Variants in GPD2 observed in about 807,000 individuals in gnomAD.
GPD2 encodes glycerol-3-phosphate dehydrogenase, mitochondrial.
Under a neutral mutation model 82.4 loss-of-function variants are expected in GPD2, and 54 were observed. The observed-to-expected ratio is 0.66, with a 90% CI of 0.53 to 0.82. The LOEUF (loss-of-function observed/expected upper bound fraction) is 0.82. Ranked by LOEUF, GPD2 falls within the 40% of genes least tolerant of loss-of-function variation. The pLI is 0.00. For synonymous variants in GPD2, 288 were observed against 306.1 expected (o/e 0.94, Z 0.62); for missense variants, 748 against 896.2 (o/e 0.83, Z 2.11).
chr2:156,573,901 A>G (rs1474572940), intron 13 of GPD2, among the ~76,000 whole-genome samples: 1 of 152,188 alleles, frequency 6.6e-6, no homozygotes, highest in African/African-American at 2.4e-5. Context: ...AAGGTGATAA[A>G]TAACTCTCCG....
intron 2 of GPD2, among the ~76,000 whole-genome samples, chr2:156,490,578 T>A (rs1221401782): frequency 2.0e-5 from 3 of 152,202 alleles, no homozygotes; most frequent in African/African-American, 7.2e-5. Context: ...CACTCTATTA[T>A]AACTAGTCAG....
chr2:156,539,439 C>T (rs1162866869), intron 6 of GPD2, among the ~76,000 whole-genome samples: 3 of 152,112 alleles, frequency 2.0e-5, no homozygotes. Context: ...TGTAAATGCC[C>T]TAGTACACAT....
Position 156,582,926 on chromosome 2 carries a change from C to T in GPD2, c.*8C>T. 3 of 1,610,912 alleles carry T rather than the reference C, an allele frequency of 1.9e-6. No individual in the cohort carries two copies. The South Asian group carries it at 3.3e-5, about 18-fold the overall frequency. On this transcript the variant is annotated 3_prime_UTR_variant, in exon 17 of 17. Transcript: ENST00000438166. Reference sequence around the variant, plus strand: ...AGTTGTGGAGGATTGTGAGTCTGGGCAGTAAATCCACAGCCAACAAACATA... The same window carrying T: ...AGTTGTGGAGGATTGTGAGTCTGGGTAGTAAATCCACAGCCAACAAACATA...
intron 1 of GPD2, among the ~76,000 whole-genome samples, chr2:156,468,644 G>A (rs1683223773): frequency 6.6e-6 from 1 of 152,154 alleles, no homozygotes; most frequent in Non-Finnish European, 1.5e-5. Flanking sequence ...GGATTTCTCA[G>A]TGTAGGTGAT....
At chr2:156,444,735 A>ACACACACACG (rs1369878849) in intron 1 of GPD2, among the ~76,000 whole-genome samples, 1 of 151,802 alleles carries the variant, frequency 6.6e-6, no homozygotes, top group Non-Finnish European at 1.5e-5. Flanking sequence ...ACACACACAC[A>ACACACACACG]CACACTAACA....
At chr2:156,400,798 C>G in the GPD2 span, among the ~76,000 whole-genome samples, 5 of 152,224 alleles carry the variant, frequency 3.3e-5, no homozygotes, top group African/African-American at 1.2e-4. Flanking sequence ...AGAGCGCGCG[C>G]TTCGCATGTG....
intron 13 of GPD2, among the ~76,000 whole-genome samples, chr2:156,577,373 C>G (rs966282596): frequency 6.6e-6 from 1 of 152,002 alleles, no homozygotes; most frequent in African/African-American, 2.4e-5. Flanking sequence ...TGCCTGTAAT[C>G]CCAGCCACTT....
the GPD2 span, among the ~76,000 whole-genome samples, chr2:156,414,663 T>TA: frequency 6.6e-6 from 1 of 152,188 alleles, no homozygotes; most frequent in Non-Finnish European, 1.5e-5. Flanking sequence ...TGAATGTTAT[T>TA]AAAAAAGAAA....
chr2:156,425,975 T>G, the GPD2 span, among the ~76,000 whole-genome samples: 14 of 149,166 alleles, frequency 9.4e-5, no homozygotes, highest in Non-Finnish European at 1.8e-4. Flanking sequence ...CAGGCTGGAG[T>G]GCAGTGGCGC....
intron 1 of GPD2, among the ~76,000 whole-genome samples, chr2:156,468,335 A>G (rs1463269957): frequency 6.6e-6 from 1 of 152,140 alleles, no homozygotes; most frequent in Non-Finnish European, 1.5e-5. Context: ...CTATATGCTT[A>G]TTTTGTAAGA....
chr2:156,549,552 C>T, intron 6 of GPD2, 56 bp from the exon 7 acceptor site: 3 of 1,461,904 alleles, frequency 2.1e-6, no homozygotes, highest in Non-Finnish European at 9.6e-7. Context: ...TTTTGTACCA[C>T]CAGTCTGTGG....
At chr2:156,434,557 C>A (rs897442381), upstream of GPD2, among the ~76,000 whole-genome samples, 1 of 152,160 alleles carries the variant, frequency 6.6e-6, no homozygotes, top group Non-Finnish European at 1.5e-5. Flanking sequence ...CAGTCATGAA[C>A]AAAATGCCTT....
At chr2:156,451,472 A>C (rs1573880316) in intron 1 of GPD2, among the ~76,000 whole-genome samples, 5 of 27,182 alleles carry the variant, frequency 1.8e-4, no homozygotes, top group South Asian at 2.5e-3. Context: ...CGGGGGGCTG[A>C]CCCCCCCACC....
rs868491906 is a variant in GPD2, at chr2:156,526,848, G to C, written c.661+13352G>C. 2.6e-5 allele frequency among the ~76,000 whole-genome samples: 4 copies of C among 152,176 alleles called. No homozygotes were observed. The South Asian group carries it at 8.3e-4, about 32-fold the overall frequency. ...TGGGGAAATAAATGGGAAATAAAAG[G>C]CCATAATGATTGGTCTTCAGGAAGC... On this transcript the variant is annotated intron_variant, in intron 6 of 16. Transcript: ENST00000438166.
At chr2:156,557,914 A>G (rs1431315093) in intron 9 of GPD2, among the ~76,000 whole-genome samples, 1 of 152,232 alleles carries the variant, frequency 6.6e-6, no homozygotes, top group Non-Finnish European at 1.5e-5. Flanking sequence ...CAGCTTAGGA[A>G]TGTCTAATTT....
Position 156,582,789 on chromosome 2 carries a change from T to C in GPD2, c.2059-4T>C. 6.2e-7 allele frequency: 1 copy of C among 1,612,870 alleles called. No homozygotes were observed. The highest frequency in any genetic ancestry group is 1.1e-5 in the South Asian group (1 of 91,066). On this transcript the variant is annotated splice_polypyrimidine_tract_variant and splice_region_variant and intron_variant, in intron 16 of 16. Coordinates refer to ENST00000438166, the MANE Select transcript of GPD2 (RefSeq NM_000408.5). Reference sequence around the variant, plus strand: ...CTGAATCTGTTGCATATTTTCTCTTTAAGCTGATGAGTGCTATTCAAAAAG... The same window carrying C: ...CTGAATCTGTTGCATATTTTCTCTTCAAGCTGATGAGTGCTATTCAAAAAG...
chr2:156,549,560 T>G (rs201967592), intron 6 of GPD2, 48 bp from the exon 7 acceptor site: 1 of 1,538,928 alleles, frequency 6.5e-7, no homozygotes, highest in East Asian at 2.2e-5. Context: ...CACCAGTCTG[T>G]GGCTCGAGGT....
At chr2:156,522,311 C>G (rs546975373) in intron 6 of GPD2, among the ~76,000 whole-genome samples, 2 of 152,068 alleles carry the variant, frequency 1.3e-5, no homozygotes, top group African/African-American at 4.8e-5. Context: ...GTATAGCAAG[C>G]CGAGATAGTA....
intron 6 of GPD2, among the ~76,000 whole-genome samples, chr2:156,515,372 C>CA (rs397748423): frequency 0.042 from 5,669 of 134,034 alleles, 157 homozygotes; most frequent in Middle Eastern, 0.079. Context: ...GACCCTATTT[C>CA]AAAAAAAAAA....
Sources: gnomAD v4.1 joint callset for allele counts (sites outside exome capture counted in the v4.1 genomes callset) on GRCh38, gnomAD v4.1.1 for gene constraint, MANE v1.5 for transcripts, NCBI Gene and HGNC (gene_info 2026-07-23, HGNC 2026-07-21) for gene names.